FAM83G: variants seen among roughly 807,000 people sequenced by gnomAD.
FAM83G encodes protein FAM83G.
FAM83G carries 38 observed loss-of-function variants against 61.5 expected under a neutral mutation model. The observed-to-expected ratio is 0.62, with a 90% CI of 0.48 to 0.81. FAM83G has a LOEUF of 0.81. FAM83G is among the 30% of genes least tolerant of loss of function. The probability of loss-of-function intolerance (pLI) is 0.00; values close to 1 mark genes in which losing one functional copy is unlikely to be tolerated. For missense variants in FAM83G, 989 were observed against 1,133.6 expected, an observed-to-expected ratio of 0.87 and a Z score of 1.83; for synonymous variants, 470 against 476.1, an observed-to-expected ratio of 0.99 and a Z score of 0.17.
chr17:18,981,367 C>T (rs1420136884), intron 3 of FAM83G, among the ~76,000 whole-genome samples: 1 of 152,178 alleles, frequency 6.6e-6, no homozygotes, highest in African/African-American at 2.4e-5. Context: ...GGGCGGGCTC[C>T]TGGTAAAAGA....
Position 18,971,637 on chromosome 17 carries a change from T to C in FAM83G, c.2194A>G (p.Arg732Gly). ...CCAGCCATGGCTGGGCCAGCGTTTC[T>C]GGTAGAGCTCTGGACGCTGTCAGCA... Reference protein sequence around the residue: ...SAADSVQSSTRNAGPAMAGPH... With the variant: ...SAADSVQSSTGNAGPAMAGPH... Residue 732 changes from arginine (R) to glycine (G), a missense_variant, in exon 6 of 6, where the codon AGA becomes GGA. Physicochemically the swap from Arg to Gly is moderately radical, Grantham distance 125 (BLOSUM62 -2). Transcript: ENST00000388995. The surrounding 1 kb of genome is among the most constrained non-coding windows in gnomAD (Gnocchi z 5.5). The C allele has an allele frequency of 2.5e-6, 4 of 1,613,484 alleles. No homozygotes were observed. In the South Asian group the frequency reaches 3.3e-5, roughly 13 times the overall value.
rs1265013489 is a variant in FAM83G at position 18,996,776 on chromosome 17, G to C, written c.522+6744C>G. ...TAGTGGCAGAGGTCTCCTGTTCCTA[G>C]GCTTTTCTCCTAATGGGGGACCCTG... On this transcript the variant is annotated intron_variant, in intron 2 of 5. Coordinates refer to ENST00000388995, the MANE Select transcript of FAM83G (RefSeq NM_001039999.3). The surrounding 1 kb of genome is among the most constrained non-coding windows in gnomAD (Gnocchi z 4.4). Among the ~76,000 whole-genome samples the C allele has an allele frequency of 2.0e-5, 3 of 152,176 alleles. No individual in the cohort carries two copies. The highest frequency in any genetic ancestry group is 4.4e-5 in the Non-Finnish European group (3 of 68,022).
In FAM83G at chr17:18,982,075, GAT is replaced by G. The variant is rs1293314434; in HGVS notation, c.691-2404_691-2403del. 2.0e-5 allele frequency among the ~76,000 whole-genome samples: 3 copies of G among 152,240 alleles called. No individual in the cohort carries two copies. In the East Asian group the frequency reaches 5.8e-4, roughly 29 times the overall value. ...CCCCACCCATCCCAAACCTTGTCCTGATGAGGGCTCGGAAAGTCACCACTTCC... is the reference window on the plus strand; with the variant it reads ...CCCCACCCATCCCAAACCTTGTCCTGGAGGGCTCGGAAAGTCACCACTTCC... On this transcript the variant is annotated intron_variant, in intron 3 of 5. Transcript: ENST00000388995.
At chr17:19,002,464 CCCGAAG>C (rs2043755037) in intron 2 of FAM83G, among the ~76,000 whole-genome samples, 1 of 152,212 alleles carries the variant, frequency 6.6e-6, no homozygotes, top group Non-Finnish European at 1.5e-5. Flanking sequence ...CAGGATGGTC[CCCGAAG>C]CCAGCATTCT....
At chr17:18,986,421 A>G (rs1487637240) in intron 3 of FAM83G, 1 of 152,156 alleles carries the variant, frequency 6.6e-6, no homozygotes, top group East Asian at 1.9e-4. Context: ...ATTTGTCACT[A>G]TTGGCTTTTA....
At chr17:19,001,643 CT>C (rs2043731705) in intron 2 of FAM83G, among the ~76,000 whole-genome samples, 1 of 152,190 alleles carries the variant, frequency 6.6e-6, no homozygotes, top group Non-Finnish European at 1.5e-5. Flanking sequence ...CACTAATAAC[CT>C]TGTGGGACTT....
chr17:19,005,439 G>T (rs1311411578), upstream of FAM83G, among the ~76,000 whole-genome samples: 2 of 152,138 alleles, frequency 1.3e-5, no homozygotes, highest in East Asian at 3.9e-4. Flanking sequence ...CTGAAGGCAG[G>T]CTTTGAGGGT....
chr17:18,969,213 G>A lies in FAM83G; in HGVS notation c.*2146C>T. 1.3e-6 allele frequency: 2 copies of A among 1,591,962 alleles called. No individual in the cohort carries two copies. The highest frequency in any genetic ancestry group is 1.7e-5 in the Admixed American group (1 of 58,868). ...AGGGGACGTGTAAAGGGGTCAGAAG[G>A]CCACCTCCCCCTACAGGCCCGAGGG... On this transcript the variant is annotated 3_prime_UTR_variant, in exon 6 of 6. Transcript: ENST00000388995.
rs1361849561 is a variant in FAM83G at position 19,004,004 on chromosome 17, T to C, written c.38A>G (p.His13Arg). Residue 13 changes from histidine (H) to arginine (R), a missense_variant, in exon 2 of 6, where the codon CAT (histidine) becomes CGT (arginine). By Grantham distance (29) the His-to-Arg change is conservative. Around this residue, in one of 3 missense-constraint regions of FAM83G, gnomAD observed 371 missense variants for 404.5 expected, o/e 0.92. Transcript: ENST00000388995. The surrounding 1 kb of genome is among the most constrained non-coding windows in gnomAD (Gnocchi z 5.4). ...FSQVQCLDDN[H>R]VNWRSSESKP... The stretch of plus-strand genomic sequence containing the variant: ...GGACTCGCTGGAGCGCCAGTTCACA[T>C]GGTTGTCGTCCAGACACTGCACCTG... The C allele has an allele frequency of 5.0e-6, 8 of 1,611,140 alleles. No individual in the cohort carries two copies. The highest frequency in any genetic ancestry group is 5.9e-6 in the Non-Finnish European group (7 of 1,179,086).
chr17:18,999,236 C>T (rs1022641676), intron 2 of FAM83G, among the ~76,000 whole-genome samples: 12 of 152,022 alleles, frequency 7.9e-5, no homozygotes, highest in Non-Finnish European at 1.5e-4. Context: ...AGAGATCGTG[C>T]CACTGCACTC....
upstream of FAM83G, among the ~76,000 whole-genome samples, chr17:19,005,482 A>T (rs184296406): frequency 6.6e-6 from 1 of 152,284 alleles, no homozygotes; most frequent in African/African-American, 2.4e-5. Context: ...CTGGCCCAAC[A>T]AACAGCCCCC....
At chr17:18,979,108 A>C in intron 4 of FAM83G, 1 of 560,370 alleles carries the variant, frequency 1.8e-6, no homozygotes, top group Non-Finnish European at 3.2e-6. Context: ...GGATTCACTA[A>C]GCAGCTCAGG....
chr17:18,995,785 A>G (rs959469794), intron 2 of FAM83G, among the ~76,000 whole-genome samples: 1 of 152,054 alleles, frequency 6.6e-6, no homozygotes, highest in Admixed American at 6.5e-5. Context: ...GCATGTGCCT[A>G]TAATCCCAGC....
chr17:18,986,829 C>A (rs1411345167), intron 3 of FAM83G, among the ~76,000 whole-genome samples: 1 of 152,230 alleles, frequency 6.6e-6, no homozygotes. Context: ...TCCTGGGCAT[C>A]GGGCAGGGCC....
chr17:18,991,746 GGAATCT>G (rs1223951230), intron 2 of FAM83G, among the ~76,000 whole-genome samples: 3 of 152,184 alleles, frequency 2.0e-5, no homozygotes, highest in Non-Finnish European at 2.9e-5. Context: ...CCAGCAGCCT[GGAATCT>G]GCGCAGGCCA....
chr17:18,981,892 C>T (rs898367705), intron 3 of FAM83G, among the ~76,000 whole-genome samples: 7 of 152,178 alleles, frequency 4.6e-5, no homozygotes, highest in Non-Finnish European at 8.8e-5. Flanking sequence ...GTTGAGAAGT[C>T]GGACAAAGAT....
At position 19,000,353 on chromosome 17, in the gene FAM83G, C is replaced by T. The variant is rs1444337984; in HGVS notation, c.522+3167G>A. ...AAGGGGCCCCTAACAGTCTTCAATA[C>T]CTGTTCCCATTTTACAGATGGGATG... On this transcript the variant is annotated intron_variant, in intron 2 of 5. Coordinates refer to ENST00000388995, the MANE Select transcript of FAM83G (RefSeq NM_001039999.3). The surrounding 1 kb of genome is among the most constrained non-coding windows in gnomAD (Gnocchi z 5.2). 1.3e-5 allele frequency among the ~76,000 whole-genome samples: 2 copies of T among 152,184 alleles called. No homozygotes were observed. Among genetic ancestry groups the T allele is most frequent in the Non-Finnish European group, 2.9e-5 (2 of 68,028 alleles).
In FAM83G at chr17:18,969,016, A is replaced by C; in HGVS notation, c.*2343T>G. The C allele has an allele frequency of 7.6e-6, 12 of 1,585,384 alleles. No individual in the cohort carries two copies. The highest frequency in any genetic ancestry group is 9.4e-6 in the Non-Finnish European group (11 of 1,165,896). On this transcript the variant is annotated 3_prime_UTR_variant, in exon 6 of 6. Transcript: ENST00000388995. ...GGGAGTGGCTTGCTGGAGCCCTGGG[A>C]ATAACAGTCCCACACAAGGCTCTCT... is the stretch of plus-strand genomic sequence containing the variant.
chr17:19,003,248 G>A lies in FAM83G; in HGVS notation c.522+272C>T, dbSNP rs1422106914. Among the ~76,000 whole-genome samples, 1 of 150,878 alleles carries A rather than the reference G, an allele frequency of 6.6e-6. No individual in the cohort carries two copies. The highest frequency in any genetic ancestry group is 2.4e-5 in the African/African-American group (1 of 40,996). ...CCCTATCTCGGTGCCTTCTTCTGGGGAACCAGAAACACCCTCCAACAATAA... is the reference window on the plus strand; with the variant it reads ...CCCTATCTCGGTGCCTTCTTCTGGGAAACCAGAAACACCCTCCAACAATAA... On this transcript the variant is annotated intron_variant, in intron 2 of 5. Coordinates refer to ENST00000388995, the MANE Select transcript of FAM83G (RefSeq NM_001039999.3). This position sits in a 1 kb window ranked among gnomAD's most constrained non-coding sequence, Gnocchi z 4.5.
Sources: allele counts gnomAD v4.1 joint callset (sites outside exome capture counted in the v4.1 genomes callset), GRCh38; gene constraint gnomAD v4.1.1; regional missense constraint gnomAD v4.1.1; non-coding constraint Gnocchi (gnomAD v3.1); transcripts MANE v1.5; gene names NCBI Gene and HGNC (gene_info 2026-07-23, HGNC 2026-07-21).